The following HPD variants were observed in gnomAD, a reference collection of about 807,000 sequenced individuals.
HPD encodes the protein 4-hydroxyphenylpyruvic acid oxidase.
HPD carries 35 observed loss-of-function variants against 56.9 expected under a neutral mutation model. That is an observed-to-expected ratio of 0.62 (90% confidence interval 0.47 to 0.82). HPD has a LOEUF of 0.82. Among genes scored for constraint, HPD ranks in the 40% least tolerant of loss-of-function variants. The pLI is 0.00. For missense variants in HPD, 442 were observed against 506.8 expected (o/e 0.87, Z 1.23); for synonymous variants, 186 against 200.2 (o/e 0.93, Z 0.60).
chr12:121,844,619 C>A (rs1023156125), intron 11 of HPD, among the ~76,000 whole-genome samples: 1 of 151,768 alleles, frequency 6.6e-6, no homozygotes, highest in African/African-American at 2.4e-5. Flanking sequence ...CGAGGTGGCT[C>A]ACGCCTGTAA....
chr12:121,855,538 CA>C (rs1256190389), intron 6 of HPD, among the ~76,000 whole-genome samples: 1 of 152,014 alleles, frequency 6.6e-6, no homozygotes, highest in Non-Finnish European at 1.5e-5. Flanking sequence ...GCCAATATGG[CA>C]AAACTCCATC....
At chr12:121,844,308 G>A (rs941454632) in intron 11 of HPD, among the ~76,000 whole-genome samples, 29 of 152,008 alleles carry the variant, frequency 1.9e-4, no homozygotes, top group African/African-American at 6.8e-4. Context: ...GCCTCCCAAA[G>A]TGCTGGGATT....
chr12:121,873,523 TA>T, the HPD span, among the ~76,000 whole-genome samples: 1 of 152,136 alleles, frequency 6.6e-6, no homozygotes, highest in Non-Finnish European at 1.5e-5. Context: ...TGTGGATCCT[TA>T]AAATCATTTT....
At chr12:121,842,592 A>T (rs1157685229) in intron 12 of HPD, among the ~76,000 whole-genome samples, 1 of 145,552 alleles carries the variant, frequency 6.9e-6, no homozygotes, top group Non-Finnish European at 1.5e-5. Context: ...CGCACAGCTA[A>T]TTTTTTTTTT....
At chr12:121,844,282 C>T (rs186178365) in intron 11 of HPD, among the ~76,000 whole-genome samples, 1,544 of 151,996 alleles carry the variant, frequency 0.01, 13 homozygotes, top group Non-Finnish European at 0.017. Flanking sequence ...TGACCTCAGG[C>T]GATCCACCTA....
At chr12:121,866,438 C>A (rs893858791), upstream of HPD, among the ~76,000 whole-genome samples, 12 of 146,312 alleles carry the variant, frequency 8.2e-5, no homozygotes, top group Middle Eastern at 3.7e-3. Flanking sequence ...AAAAAAAAAA[C>A]CCCACAGTTT....
chr12:121,877,564 C>T, the HPD span, among the ~76,000 whole-genome samples: 2 of 152,034 alleles, frequency 1.3e-5, no homozygotes, highest in Non-Finnish European at 2.9e-5. Flanking sequence ...AGACCCCCAT[C>T]TCTACTAAAA....
chr12:121,849,834 C>T (rs1424952297), intron 7 of HPD, 44 bp from the exon 8 acceptor site: 2 of 1,311,202 alleles, frequency 1.5e-6, no homozygotes, highest in African/African-American at 1.5e-5. Context: ...GGCACCCATC[C>T]CCGCCGAGGA....
At chr12:121,870,232 T>C in the HPD span, among the ~76,000 whole-genome samples, 1 of 152,180 alleles carries the variant, frequency 6.6e-6, no homozygotes, top group African/African-American at 2.4e-5. Flanking sequence ...CTGGTCACTT[T>C]GTTTTATGTG....
At chr12:121,869,788 G>A in the HPD span, among the ~76,000 whole-genome samples, 1 of 152,162 alleles carries the variant, frequency 6.6e-6, no homozygotes, top group Non-Finnish European at 1.5e-5. Context: ...GCCTCCCAAA[G>A]TGCTGGAATT....
At chr12:121,841,963 A>G (rs778608495) in intron 12 of HPD, among the ~76,000 whole-genome samples, 1 of 151,768 alleles carries the variant, frequency 6.6e-6, no homozygotes, top group Non-Finnish European at 1.5e-5. Flanking sequence ...GATTACAGGC[A>G]TGAGCCACCG....
upstream of HPD, among the ~76,000 whole-genome samples, chr12:121,867,639 G>A (rs1350602706): frequency 6.6e-6 from 1 of 151,816 alleles, no homozygotes; most frequent in East Asian, 2.0e-4. Context: ...TCAGCTTCCC[G>A]AGTAGCTGGG....
upstream of HPD, among the ~76,000 whole-genome samples, chr12:121,862,281 T>C (rs923925806): frequency 1.3e-5 from 2 of 151,706 alleles, no homozygotes; most frequent in African/African-American, 4.8e-5. Context: ...ATTGGGCTGC[T>C]CTTCAGCTCT....
At chr12:121,863,185 T>C (rs1289632019), upstream of HPD, among the ~76,000 whole-genome samples, 1 of 151,872 alleles carries the variant, frequency 6.6e-6, no homozygotes, top group Non-Finnish European at 1.5e-5. Flanking sequence ...GGCTTCGCCA[T>C]GTTGGCGAGG....
chr12:121,853,804 T>A (rs1253865933), intron 7 of HPD, among the ~76,000 whole-genome samples: 1 of 150,278 alleles, frequency 6.7e-6, no homozygotes, highest in Non-Finnish European at 1.5e-5. Flanking sequence ...ATTAGCCGTG[T>A]GTGCGGGTGG....
At chr12:121,860,810 G>A (rs1878154374), upstream of HPD, among the ~76,000 whole-genome samples, 2 of 152,142 alleles carry the variant, frequency 1.3e-5, no homozygotes, top group Admixed American at 6.6e-5. Context: ...GGAGGCTGAG[G>A]TGGGAGGATC....
At chr12:121,842,031 A>G (rs912001191) in intron 12 of HPD, among the ~76,000 whole-genome samples, 1 of 150,960 alleles carries the variant, frequency 6.6e-6, no homozygotes. Context: ...ATCTATAGAG[A>G]CTGAAGGTAG....
At chr12:121,867,448 A>G (rs1878356345), upstream of HPD, among the ~76,000 whole-genome samples, 2 of 151,708 alleles carry the variant, frequency 1.3e-5, no homozygotes, top group Non-Finnish European at 2.9e-5. Flanking sequence ...TTTTTAGACA[A>G]GGTCTCACTC....
At chr12:121,855,777 C>A (rs1877971172) in intron 6 of HPD, among the ~76,000 whole-genome samples, 1 of 151,400 alleles carries the variant, frequency 6.6e-6, no homozygotes, top group Non-Finnish European at 1.5e-5. Context: ...AAATGACCAG[C>A]CTGACCAACA....
Sources: allele counts gnomAD v4.1 joint callset (sites outside exome capture counted in the v4.1 genomes callset), GRCh38; gene constraint gnomAD v4.1.1; transcripts MANE v1.5; gene names NCBI Gene and HGNC (gene_info 2026-07-23, HGNC 2026-07-21).